Variants in MBNL1 observed in about 807,000 individuals in gnomAD.
MBNL1 encodes the protein muscleblind like splicing regulator 1.
A neutral mutation model predicts 42.2 loss-of-function variants in MBNL1; 8 were observed. The ratio of observed to expected loss-of-function variants is 0.19; its 90% CI spans 0.11 to 0.34. MBNL1 has a LOEUF of 0.34. Ranked by LOEUF, MBNL1 falls within the 10% of genes least tolerant of loss-of-function variation. The pLI is 1.00. For missense variants in MBNL1, 309 were observed against 495.3 expected (o/e 0.62, Z 3.57); for synonymous variants, 169 against 173.9 (o/e 0.97, Z 0.22).
At chr3:152,281,641 T>G (rs1235051563) in intron 1 of MBNL1, among the ~76,000 whole-genome samples, 1 of 152,170 alleles carries the variant, frequency 6.6e-6, no homozygotes. Flanking sequence ...GTGAAGTTTC[T>G]GATGTCGCTT....
At chr3:152,446,740 G>A (rs2099232407) in intron 5 of MBNL1, 1 of 1,613,706 alleles carries the variant, frequency 6.2e-7, no homozygotes, top group Non-Finnish European at 8.5e-7. Flanking sequence ...GCGACCCCTC[G>A]AGGCAACCTT....
chr3:152,252,123 C>G (rs1201582993), intron 2 of MBNL1, among the ~76,000 whole-genome samples: 2 of 151,860 alleles, frequency 1.3e-5, no homozygotes, highest in Non-Finnish European at 2.9e-5. Context: ...CATTCTAGAA[C>G]AAACTAACCT....
intron 2 of MBNL1, among the ~76,000 whole-genome samples, chr3:152,389,201 G>T (rs2097570474): frequency 6.6e-6 from 1 of 152,058 alleles, no homozygotes; most frequent in Admixed American, 6.6e-5. Context: ...CGATTCTCCG[G>T]CCTCAGCCTC....
At chr3:152,363,125 A>C (rs577461955) in intron 2 of MBNL1, among the ~76,000 whole-genome samples, 12 of 152,300 alleles carry the variant, frequency 7.9e-5, no homozygotes, top group Non-Finnish European at 1.3e-4. Context: ...ACATCATCAG[A>C]AGATTATCTT....
chr3:152,323,764 A>C (rs1255340149), intron 2 of MBNL1, among the ~76,000 whole-genome samples: 1 of 152,142 alleles, frequency 6.6e-6, no homozygotes, highest in Non-Finnish European at 1.5e-5. Flanking sequence ...TACAAATGTC[A>C]CTGGGTGGTA....
At chr3:152,351,079 CT>C (rs35508184) in intron 2 of MBNL1, among the ~76,000 whole-genome samples, 10,907 of 149,924 alleles carry the variant, frequency 0.073, 508 homozygotes, top group Middle Eastern at 0.16. Context: ...ATGTATCAGA[CT>C]TTTTTTTTTC....
chr3:152,368,969 G>T (rs1471377684), intron 2 of MBNL1, among the ~76,000 whole-genome samples: 1 of 152,194 alleles, frequency 6.6e-6, no homozygotes, highest in East Asian at 1.9e-4. Flanking sequence ...GAGACAATTT[G>T]ACTTCCTCTC....
At chr3:152,404,583 TTTAG>T (rs922091460) in intron 2 of MBNL1, among the ~76,000 whole-genome samples, 27 of 152,128 alleles carry the variant, frequency 1.8e-4, no homozygotes, top group Admixed American at 3.9e-4. Flanking sequence ...TCTGATTTCC[TTTAG>T]TTACTTTTAT....
At chr3:152,341,722 A>C (rs1166712346) in intron 2 of MBNL1, among the ~76,000 whole-genome samples, 1 of 152,306 alleles carries the variant, frequency 6.6e-6, no homozygotes, top group Admixed American at 6.5e-5. Context: ...TGTTGTAATA[A>C]ATTTCTCAGC....
intron 2 of MBNL1, among the ~76,000 whole-genome samples, chr3:152,304,621 A>G (rs1388282145): frequency 6.6e-6 from 1 of 152,232 alleles, no homozygotes; most frequent in Admixed American, 6.5e-5. Context: ...ACAGATTGAC[A>G]TATCACTTCC....
chr3:152,418,703 G>A (rs1389491091), intron 3 of MBNL1, among the ~76,000 whole-genome samples: 2 of 148,296 alleles, frequency 1.3e-5, no homozygotes. Flanking sequence ...TACCTACAAG[G>A]TCTTAACAAT....
rs374420684 is a variant in MBNL1, at chr3:152,449,830, C to T, written c.961+2057C>T. ...CAATATTTCTCAAATATTGGCCAGG[C>T]GCAGTGACTCATGCCTGTAATCCTA... On this transcript the variant is annotated intron_variant, in intron 6 of 9. Transcript: ENST00000324210. Among the ~76,000 whole-genome samples the T allele has an allele frequency of 6.2e-4, 94 of 152,200 alleles. No homozygotes were observed. In the South Asian group the frequency reaches 0.019, roughly 31 times the overall value.
intron 2 of MBNL1, among the ~76,000 whole-genome samples, chr3:152,382,884 C>T (rs934380291): frequency 1.3e-5 from 2 of 152,146 alleles, no homozygotes; most frequent in Admixed American, 6.6e-5. Context: ...GTATATCACT[C>T]CGTACTTATT....
At chr3:152,258,287 C>T (rs1423425245) in intron 2 of MBNL1, among the ~76,000 whole-genome samples, 1 of 152,104 alleles carries the variant, frequency 6.6e-6, no homozygotes, top group Non-Finnish European at 1.5e-5. Flanking sequence ...TAGGATAATT[C>T]TCATGAAGTC....
chr3:152,318,774 A>G (rs1163390051), intron 2 of MBNL1, among the ~76,000 whole-genome samples: 3 of 152,168 alleles, frequency 2.0e-5, no homozygotes, highest in African/African-American at 7.2e-5. Flanking sequence ...GTGACTAGCT[A>G]TTATTATGTC....
chr3:152,461,861 G>A (rs1423323118), intron 9 of MBNL1, among the ~76,000 whole-genome samples: 6 of 151,794 alleles, frequency 4.0e-5, no homozygotes, highest in Non-Finnish European at 8.8e-5. Flanking sequence ...AGTTTTAGGT[G>A]AAAAAAGTTC....
intron 1 of MBNL1, among the ~76,000 whole-genome samples, chr3:152,281,472 T>G (rs927102118): frequency 6.6e-6 from 1 of 152,092 alleles, no homozygotes; most frequent in African/African-American, 2.4e-5. Context: ...TGGAATGGAC[T>G]TTGAAGTTTC....
chr3:152,463,184 T>G lies in MBNL1; in HGVS notation c.*818T>G, dbSNP rs990479694. 25 of 151,374 alleles carry G rather than the reference T, an allele frequency of 1.7e-4. No homozygotes were observed. Among genetic ancestry groups the G allele is most frequent in the African/African-American group, 6.1e-4 (25 of 41,094 alleles). 9.4% of individuals were successfully genotyped at this position (151,374 alleles called of 1,614,324 possible). On this transcript the variant is annotated 3_prime_UTR_variant, in exon 10 of 10. Transcript: ENST00000324210. Reference sequence around the variant, plus strand: ...CCAAAGCTGTCTCAGAAATGGCCAATTTAACTTTACAGTAACAATAGACAG... The same window carrying G: ...CCAAAGCTGTCTCAGAAATGGCCAAGTTAACTTTACAGTAACAATAGACAG...
chr3:152,413,608 T>G (rs1050065711), intron 2 of MBNL1, among the ~76,000 whole-genome samples: 2 of 152,238 alleles, frequency 1.3e-5, no homozygotes, highest in African/African-American at 2.4e-5. Context: ...AACCGATCAT[T>G]TAAATTAGAA....
Sources: gnomAD v4.1 joint callset for allele counts (sites outside exome capture counted in the v4.1 genomes callset) on GRCh38, gnomAD v4.1.1 for gene constraint, MANE v1.5 for transcripts, NCBI Gene and HGNC (gene_info 2026-07-23, HGNC 2026-07-21) for gene names.